GRID2: variants seen among roughly 807,000 people sequenced by gnomAD.
GRID2 encodes glutamate receptor ionotropic, delta-2.
Under a neutral mutation model 114.8 loss-of-function variants are expected in GRID2, and 33 were observed. That is an observed-to-expected ratio of 0.29 (90% confidence interval 0.22 to 0.38). GRID2 has a LOEUF of 0.38. Among genes scored for constraint, GRID2 ranks in the 10% least tolerant of loss-of-function variants. The probability of loss-of-function intolerance (pLI) is 1.00; values close to 1 mark genes in which losing one functional copy is unlikely to be tolerated. For missense variants in GRID2, 1,184 were observed against 1,257.7 expected (o/e 0.94, Z 0.89); for synonymous variants, 505 against 449.9 (o/e 1.12, Z -1.55).
intron 1 of GRID2, among the ~76,000 whole-genome samples, chr4:92,589,258 G>C (rs1455214005): frequency 6.6e-6 from 1 of 151,906 alleles, no homozygotes; most frequent in Non-Finnish European, 1.5e-5. Context: ...GTGAGGTTTA[G>C]ACAAATGTGT....
At chr4:93,592,531 C>G (rs1352540092) in intron 13 of GRID2, among the ~76,000 whole-genome samples, 1 of 152,076 alleles carries the variant, frequency 6.6e-6, no homozygotes, top group Non-Finnish European at 1.5e-5. Context: ...AATGTATATT[C>G]TGTTGATTTG....
chr4:93,744,400 C>T (rs776635175), intron 14 of GRID2, among the ~76,000 whole-genome samples: 1 of 152,126 alleles, frequency 6.6e-6, no homozygotes, highest in Admixed American at 6.5e-5. Flanking sequence ...GGAAAGAGGA[C>T]AAAATATCAA....
At chr4:93,423,048 C>A (rs953296557) in intron 10 of GRID2, 80 bp downstream of exon 10, 33 of 914,646 alleles carry the variant, frequency 3.6e-5, no homozygotes, top group Non-Finnish European at 5.6e-5. Context: ...ACAGTAACAC[C>A]TTGAAGCTGA....
chr4:92,464,033 G>A (rs910051428), intron 1 of GRID2, among the ~76,000 whole-genome samples: 3 of 151,542 alleles, frequency 2.0e-5, no homozygotes, highest in Admixed American at 6.6e-5. Context: ...CACTTTCAGA[G>A]ACTCAATCCT....
At chr4:93,076,335 A>C (rs1179327225) in intron 2 of GRID2, among the ~76,000 whole-genome samples, 1 of 152,210 alleles carries the variant, frequency 6.6e-6, no homozygotes, top group Admixed American at 6.5e-5. Flanking sequence ...GTGTCAGGTC[A>C]TAAAGAATTC....
intron 2 of GRID2, among the ~76,000 whole-genome samples, chr4:92,978,967 C>T (rs527641339): frequency 6.6e-6 from 1 of 152,044 alleles, no homozygotes; most frequent in East Asian, 1.9e-4. Flanking sequence ...AGGCTGAAGA[C>T]CTATGATTGC....
chr4:92,506,005 C>T (rs974323852), intron 1 of GRID2, among the ~76,000 whole-genome samples: 2 of 151,888 alleles, frequency 1.3e-5, no homozygotes, highest in African/African-American at 2.4e-5. Context: ...TTAAGAATGG[C>T]AGTTCTTCTG....
At chr4:93,557,355 C>G (rs1189494638) in intron 13 of GRID2, among the ~76,000 whole-genome samples, 2 of 151,924 alleles carry the variant, frequency 1.3e-5, no homozygotes, top group East Asian at 1.9e-4. Flanking sequence ...GTCTCCCATG[C>G]AGACACACAT....
intron 14 of GRID2, among the ~76,000 whole-genome samples, chr4:93,637,850 G>A (rs574866372): frequency 2.4e-4 from 36 of 152,146 alleles, no homozygotes; most frequent in Admixed American, 1.3e-3. Flanking sequence ...GGTGGAATTC[G>A]TAATTGCCTC....
chr4:92,936,127 A>G (rs1750655752), intron 2 of GRID2, among the ~76,000 whole-genome samples: 1 of 146,916 alleles, frequency 6.8e-6, no homozygotes, highest in Non-Finnish European at 1.5e-5. Context: ...CACTTTTAAA[A>G]TTATAAAGTA....
At chr4:92,989,692 A>C (rs1325434895) in intron 2 of GRID2, among the ~76,000 whole-genome samples, 1 of 152,196 alleles carries the variant, frequency 6.6e-6, no homozygotes, top group East Asian at 1.9e-4. Context: ...TAAATTACAC[A>C]CCAATATATG....
chr4:93,216,826 A>G lies in GRID2; in HGVS notation c.878A>G (p.Asn293Ser), dbSNP rs1370215176. Reference protein sequence around the residue: ...IIRQTFPVPQNISQRCFRGNH... With the variant: ...IIRQTFPVPQSISQRCFRGNH... The stretch of plus-strand genomic sequence containing the variant: ...CGGCAGACATTTCCAGTTCCCCAGA[A>G]CATAAGTCAGCGGTGTTTCCGTGGC... The change falls in exon 6 of 16, where the codon AAC becomes AGC. Residue 293 changes from asparagine (N) to serine (S), a missense_variant. By Grantham distance (46) the Asn-to-Ser change is conservative. Transcript: ENST00000282020. 3 of 1,612,772 alleles carry G rather than the reference A, an allele frequency of 1.9e-6. No individual in the cohort carries two copies. Among genetic ancestry groups the G allele is most frequent in the African/African-American group, 1.3e-5 (1 of 74,866 alleles).
chr4:93,209,415 CGAA>C (rs1295068542), intron 5 of GRID2, among the ~76,000 whole-genome samples: 3 of 151,928 alleles, frequency 2.0e-5, no homozygotes, highest in Non-Finnish European at 4.4e-5. Flanking sequence ...CATATTTCTG[CGAA>C]GGACATATCA....
At chr4:93,021,499 A>G (rs566738556) in intron 2 of GRID2, among the ~76,000 whole-genome samples, 1 of 147,862 alleles carries the variant, frequency 6.8e-6, no homozygotes, top group African/African-American at 2.4e-5. Context: ...TGCTAAATAT[A>G]AAAAAATAGG....
At chr4:92,735,616 C>G (rs1333550146) in intron 2 of GRID2, among the ~76,000 whole-genome samples, 1 of 152,110 alleles carries the variant, frequency 6.6e-6, no homozygotes, top group Admixed American at 6.6e-5. Context: ...ATTAACTACA[C>G]TCTTTGAACT....
At chr4:93,134,236 G>T (rs1237339086) in intron 4 of GRID2, among the ~76,000 whole-genome samples, 1 of 152,154 alleles carries the variant, frequency 6.6e-6, no homozygotes, top group South Asian at 2.1e-4. Context: ...CTACTGTGGA[G>T]AAAGAATAAG....
chr4:92,988,480 C>T (rs1754645113), intron 2 of GRID2, among the ~76,000 whole-genome samples: 1 of 152,176 alleles, frequency 6.6e-6, no homozygotes, highest in Admixed American at 6.5e-5. Flanking sequence ...TTGGAAGTGG[C>T]ATCCCTTATT....
Position 93,772,551 on chromosome 4 carries a change from G to A in GRID2, c.*53G>A, listed in dbSNP as rs1333398659. ...TTTTTTAGGACTCCCTTTGCAAGGA[G>A]CAACTGTAATATTGTGGGACTAACA... is the stretch of plus-strand genomic sequence containing the variant. On this transcript the variant is annotated 3_prime_UTR_variant, in exon 16 of 16. Coordinates refer to ENST00000282020, the MANE Select transcript of GRID2 (RefSeq NM_001510.4). The A allele has an allele frequency of 8.0e-7, 1 of 1,246,018 alleles. No homozygotes were observed. Among genetic ancestry groups the A allele is most frequent in the Non-Finnish European group, 1.1e-6 (1 of 885,606 alleles). The allele number at this position is 1,246,018 out of a possible 1,614,324, so 77.2% of individuals were successfully genotyped here. A position where few individuals can be genotyped will look rare whatever the true frequency, so the allele number is the denominator to read the frequency against.
chr4:92,359,841 G>A (rs958777779), intron 1 of GRID2, among the ~76,000 whole-genome samples: 39 of 151,974 alleles, frequency 2.6e-4, no homozygotes, highest in African/African-American at 9.2e-4. Flanking sequence ...TTTCCCTTAG[G>A]CTTCTAATTG....
Sources: gnomAD v4.1 joint callset for allele counts (sites outside exome capture counted in the v4.1 genomes callset) on GRCh38, gnomAD v4.1.1 for gene constraint, MANE v1.5 for transcripts, NCBI Gene and HGNC (gene_info 2026-07-23, HGNC 2026-07-21) for gene names.